MRPL10: variants seen among roughly 807,000 people sequenced by gnomAD.
The protein encoded by MRPL10 is mitochondrial ribosomal protein L10, also known as large ribosomal subunit protein uL10m.
MRPL10 carries 14 observed loss-of-function variants against 19.8 expected under a neutral mutation model. The observed-to-expected ratio is 0.71, with a 90% CI of 0.47 to 1.11. MRPL10 has a LOEUF of 1.11. Among genes scored for constraint, MRPL10 ranks in the 50% least tolerant of loss-of-function variants. MRPL10 has a pLI of 0.00. For synonymous variants in MRPL10, 129 were observed against 139.2 expected (o/e 0.93, Z 0.52); for missense variants, 318 against 339.6 (o/e 0.94, Z 0.50).
At position 47,824,462 on chromosome 17, in the gene MRPL10, G is replaced by C; in HGVS notation, c.533-4C>G. 1 of 1,527,388 alleles carries C rather than the reference G, an allele frequency of 6.5e-7. No individual in the cohort carries two copies. Among genetic ancestry groups the C allele is most frequent in the Non-Finnish European group, 8.8e-7 (1 of 1,139,504 alleles). 94.6% of individuals were successfully genotyped at this position (1,527,388 alleles called of 1,614,324 possible). A position where few individuals can be genotyped will look rare whatever the true frequency, so the allele number is the denominator to read the frequency against. On this transcript the variant is annotated splice_polypyrimidine_tract_variant and splice_region_variant and intron_variant, in intron 4 of 4. Coordinates refer to ENST00000351111, the MANE Select transcript of MRPL10 (RefSeq NM_145255.4). ...ATGGTGTCATCAATGCAGCCACCTGGAAGAACACAGGGTCAGTTAGGCTCC... is the reference window on the plus strand; with the variant it reads ...ATGGTGTCATCAATGCAGCCACCTGCAAGAACACAGGGTCAGTTAGGCTCC...
intron 1 of MRPL10, among the ~76,000 whole-genome samples, chr17:47,830,379 G>T (rs912035122): frequency 1.3e-5 from 2 of 152,322 alleles, no homozygotes; most frequent in African/African-American, 4.8e-5. Context: ...CTCAGAAAAA[G>T]GTCCAGATAG....
In MRPL10 at chr17:47,826,717, T is replaced by C. The variant is rs758513764; in HGVS notation, c.452A>G (p.Asn151Ser). The C allele has an allele frequency of 5.9e-5, 96 of 1,614,100 alleles. No homozygotes were observed. In the South Asian group the frequency reaches 1.0e-3, roughly 17 times the overall value. The change falls in exon 4 of 5, where the codon AAC becomes AGC. Residue 151 changes from asparagine to serine, a missense_variant. Asn to Ser is a conservative substitution (Grantham distance 46, BLOSUM62 1). Transcript: ENST00000351111. ...GGGCTCTTCACTGACCAGCAGCATG[T>C]TGTGCCCCACAAAAAGGGGCAGCAG... is the stretch of plus-strand genomic sequence containing the variant. ...QNLLPLFVGH[N>S]MLLVSEEPKV...
In MRPL10 at chr17:47,826,785, G is replaced by T. The variant is rs776728463; in HGVS notation, c.388-4C>A. 15 of 1,614,146 alleles carry T rather than the reference G, an allele frequency of 9.3e-6. No individual in the cohort carries two copies. Among genetic ancestry groups the T allele is most frequent in the Non-Finnish European group, 1.3e-5 (15 of 1,180,012 alleles). On this transcript the variant is annotated splice_polypyrimidine_tract_variant and splice_region_variant and intron_variant, in intron 3 of 4. Transcript: ENST00000351111. ...CCTCCAGGAAGGGCTTCAGGACCTG[G>T]GAACAGCAGGGAAAAATGGCTTATC...
At position 47,824,388 on chromosome 17, in the gene MRPL10, G is replaced by T. The variant is rs756463665; in HGVS notation, c.603C>A (p.Pro201=). The change falls in exon 5 of 5, where the codon CCC becomes CCA. Residue 201 remains proline, a synonymous_variant. Coordinates refer to ENST00000351111, the MANE Select transcript of MRPL10 (RefSeq NM_145255.4). ...CTCCTACAAGCTCCCCCTGCACCAG[G>T]GGCAGGCTGGGGAGCTTGGAGTAGT... ...FINYSKLPSL[P]LVQGELVGGL... is the part of the protein sequence containing the mutation. The T allele has an allele frequency of 1.2e-6, 2 of 1,604,684 alleles. No individual in the cohort carries two copies. Among genetic ancestry groups the T allele is most frequent in the Non-Finnish European group, 1.7e-6 (2 of 1,174,350 alleles).
At position 47,824,381 on chromosome 17, in the gene MRPL10, G is replaced by T. The variant is rs768015007; in HGVS notation, c.610C>A (p.Gln204Lys). ...YSKLPSLPLV[Q>K]GELVGGLTCL... is the part of the protein sequence containing the mutation. ...GTGAGGCCTCCTACAAGCTCCCCCTGCACCAGGGGCAGGCTGGGGAGCTTG... is the reference window on the plus strand; with the variant it reads ...GTGAGGCCTCCTACAAGCTCCCCCTTCACCAGGGGCAGGCTGGGGAGCTTG... The change falls in exon 5 of 5, where the codon CAG becomes AAG. Residue 204 changes from glutamine to lysine, a missense_variant. Physicochemically the swap from Gln to Lys is moderately conservative, Grantham distance 53. Transcript: ENST00000351111. 1 of 1,607,972 alleles carries T rather than the reference G, an allele frequency of 6.2e-7. No individual in the cohort carries two copies. Among genetic ancestry groups the T allele is most frequent in the Admixed American group, 1.7e-5 (1 of 59,624 alleles).
chr17:47,830,060 T>C (rs139889917), intron 1 of MRPL10, among the ~76,000 whole-genome samples: 7 of 152,318 alleles, frequency 4.6e-5, no homozygotes, highest in Non-Finnish European at 7.3e-5. Flanking sequence ...GGGTCACAAA[T>C]AGTGTTCTAA....
chr17:47,826,413 C>T (rs1300502028), intron 4 of MRPL10, among the ~76,000 whole-genome samples: 1 of 152,198 alleles, frequency 6.6e-6, no homozygotes, highest in Non-Finnish European at 1.5e-5. Flanking sequence ...TGCTCCATGT[C>T]TGCCTTTCCT....
In MRPL10 at chr17:47,829,250, A is replaced by C. The variant is rs548717144; in HGVS notation, c.53-580T>G. On this transcript the variant is annotated intron_variant, in intron 1 of 4. Transcript: ENST00000351111. ...CTGCACTCTAGCCTGGGCACAGAGTAAGACTCCGTCTCAGAAAAAAAAAGA... is the reference window on the plus strand; with the variant it reads ...CTGCACTCTAGCCTGGGCACAGAGTCAGACTCCGTCTCAGAAAAAAAAAGA... 3.3e-5 allele frequency: 5 copies of C among 151,864 alleles called. No individual in the cohort carries two copies. In the South Asian group the frequency reaches 9.2e-4, roughly 28 times the overall value. The allele number at this position is 151,864 out of a possible 1,614,324, so 9.4% of individuals were successfully genotyped here.
chr17:47,826,847 T>TGGGCCACATTA, intron 3 of MRPL10, 66 bp from the exon 4 acceptor site: 1 of 1,600,820 alleles, frequency 6.2e-7, no homozygotes, highest in East Asian at 2.2e-5. Context: ...TCGTGGGTCA[T>TGGGCCACATTA]GGGCCACATT....
At chr17:47,828,312 A>G in intron 2 of MRPL10, 189 bp downstream of exon 2, 1 of 438,278 alleles carries the variant, frequency 2.3e-6, no homozygotes, top group Non-Finnish European at 3.9e-6. Flanking sequence ...GGCCCACCCA[A>G]TCCAGAGCCC....
intron 3 of MRPL10, 52 bp from the exon 4 acceptor site, chr17:47,826,833 T>G: frequency 6.2e-7 from 1 of 1,610,058 alleles, no homozygotes; most frequent in Non-Finnish European, 8.5e-7. Flanking sequence ...GAGGAAGAGC[T>G]ACCTCGTGGG....
In MRPL10 at chr17:47,823,808, C is replaced by G. The variant is rs1472411421; in HGVS notation, c.*397G>C. The G allele has an allele frequency of 6.7e-6, 2 of 296,584 alleles. No homozygotes were observed. The highest frequency in any genetic ancestry group is 4.5e-5 in the African/African-American group (2 of 44,386). 18.4% of individuals were successfully genotyped at this position (296,584 alleles called of 1,614,324 possible). On this transcript the variant is annotated 3_prime_UTR_variant, in exon 5 of 5. Coordinates refer to ENST00000351111, the MANE Select transcript of MRPL10 (RefSeq NM_145255.4). ...CACACAGCAGGCTCTCACCAGGTGC[C>G]ATTCTCAGCACAACTGCTTGGTTGA...
At chr17:47,827,894 CAAAAA>C (rs60303077) in intron 2 of MRPL10, among the ~76,000 whole-genome samples, 2 of 45,710 alleles carry the variant, frequency 4.4e-5, no homozygotes, top group East Asian at 7.7e-4. Flanking sequence ...CTCTGTCTCA[CAAAAA>C]AAAAAAAAAA....
rs773705087 is a variant in MRPL10, at chr17:47,826,655, G to A, written c.514C>T (p.Pro172Ser). 10 of 1,613,592 alleles carry A rather than the reference G, an allele frequency of 6.2e-6. No homozygotes were observed. The South Asian group carries it at 6.6e-5, about 11-fold the overall frequency. ...TGCTCACCTAGCAGCGGCAGGAATG[G>A]CACAGTCCTTAAGATCCGTACCATC... ...KEMVRILRTVPFLPLLGGCID... is the reference protein window; with the variant it reads ...KEMVRILRTVSFLPLLGGCID... Residue 172 changes from proline to serine, a missense_variant, in exon 4 of 5, where the codon CCA becomes TCA. Pro to Ser is a moderately conservative substitution (Grantham distance 74, BLOSUM62 -1). Coordinates refer to ENST00000351111, the MANE Select transcript of MRPL10 (RefSeq NM_145255.4).
rs767630900 is a variant in MRPL10 at position 47,824,227 on chromosome 17, G to C, written c.764C>G (p.Pro255Arg). Residue 255 changes from proline (P) to arginine (R), a missense_variant, in exon 5 of 5, where the codon CCT becomes CGT. By Grantham distance (103) the Pro-to-Arg change is moderately radical. Transcript: ENST00000351111. ...SVMSANGKPD[P>R]DTVPDS ...TGGCTACGAGTCCGGAACAGTGTCA[G>C]GATCTGGCTTCCCATTGGCCGACAT... 2 of 1,614,096 alleles carry C rather than the reference G, an allele frequency of 1.2e-6. No individual in the cohort carries two copies. The highest frequency in any genetic ancestry group is 3.3e-5 in the Admixed American group (2 of 60,010).
At chr17:47,826,821 G>T in intron 3 of MRPL10, 40 bp from the exon 4 acceptor site, 1 of 1,612,852 alleles carries the variant, frequency 6.2e-7, no homozygotes, top group South Asian at 1.1e-5. Flanking sequence ...GGGGACAAGT[G>T]GGAGGAAGAG....
rs377097465 is a variant in MRPL10, at chr17:47,827,567, A to G, written c.223-363T>C. Reference sequence around the variant, plus strand: ...GTACTCATGTTGAATTATTTTGCCAATCATAAATATAACTCTTTTGCAGTG... The same window carrying G: ...GTACTCATGTTGAATTATTTTGCCAGTCATAAATATAACTCTTTTGCAGTG... On this transcript the variant is annotated intron_variant, in intron 2 of 4. Coordinates refer to ENST00000351111, the MANE Select transcript of MRPL10 (RefSeq NM_145255.4). Among the ~76,000 whole-genome samples, 28 of 152,334 alleles carry G rather than the reference A, an allele frequency of 1.8e-4. No individual in the cohort carries two copies. The South Asian group carries it at 5.6e-3, about 30-fold the overall frequency.
chr17:47,830,639 G>C (rs1405798905), intron 1 of MRPL10, among the ~76,000 whole-genome samples: 2 of 152,118 alleles, frequency 1.3e-5, no homozygotes, highest in Admixed American at 1.3e-4. Context: ...CTGAGTAGCG[G>C]GGACTACAGG....
rs758115958 is a variant in MRPL10, at chr17:47,827,147, G to C, written c.280C>G (p.Arg94Gly). 8 of 1,613,968 alleles carry C rather than the reference G, an allele frequency of 5.0e-6. No homozygotes were observed. In the Admixed American group the frequency reaches 1.0e-4, roughly 20 times the overall value. Residue 94 changes from arginine (R) to glycine (G), a missense_variant, in exon 3 of 5, where the codon CGA becomes GGA. Physicochemically the swap from Arg to Gly is moderately radical, Grantham distance 125. Coordinates refer to ENST00000351111, the MANE Select transcript of MRPL10 (RefSeq NM_145255.4). The part of the protein sequence containing the change: ...REIAAVFQDN[R>G]MIAVCQNVAL... ...ACATTCTGGCAGACGGCTATCATTC[G>C]GTTGTCCTGGAAAACTGCTGCTATC... is the stretch of plus-strand genomic sequence containing the variant.
Sources: gnomAD v4.1 joint callset for allele counts (sites outside exome capture counted in the v4.1 genomes callset) on GRCh38, gnomAD v4.1.1 for gene constraint, MANE v1.5 for transcripts, NCBI Gene and HGNC (gene_info 2026-07-23, HGNC 2026-07-21) for gene names.